COX7B2: variants seen among roughly 807,000 people sequenced by gnomAD.
COX7B2 encodes the protein cytochrome c oxidase subunit 7B2, mitochondrial.
For synonymous variants in COX7B2, 37 were observed against 32.1 expected (o/e 1.15, Z -0.51); for missense variants, 109 against 95.9 (o/e 1.14, Z -0.57).
At position 46,895,418 on chromosome 4, in the gene COX7B2, C is replaced by T. The variant is rs184392046; in HGVS notation, c.-105+13742G>A. Among the ~76,000 whole-genome samples the T allele has an allele frequency of 7.2e-5, 11 of 152,042 alleles. No individual in the cohort carries two copies. The East Asian group carries it at 1.9e-3, about 27-fold the overall frequency. On this transcript the variant is annotated intron_variant, in intron 1 of 2. Coordinates refer to ENST00000355591, the MANE Select transcript of COX7B2 (RefSeq NM_130902.3). ...AAACCAAATACCACATGTTCTCACTCATAAGTGGGAGCTAAATGATGAGAA... is the reference window on the plus strand; with the variant it reads ...AAACCAAATACCACATGTTCTCACTTATAAGTGGGAGCTAAATGATGAGAA...
At chr4:46,855,198 AC>A (rs1206622258) in intron 1 of COX7B2, among the ~76,000 whole-genome samples, 1 of 152,096 alleles carries the variant, frequency 6.6e-6, no homozygotes, top group Non-Finnish European at 1.5e-5. Flanking sequence ...ATGGTGGCAC[AC>A]ACCTGTAATC....
chr4:46,742,517 A>G (rs1399608475), intron 2 of COX7B2, among the ~76,000 whole-genome samples: 1 of 152,166 alleles, frequency 6.6e-6, no homozygotes, highest in Non-Finnish European at 1.5e-5. Flanking sequence ...ACTCTGAAAG[A>G]AGCAATGCCG....
chr4:46,765,888 T>G (rs1716504477), intron 2 of COX7B2, among the ~76,000 whole-genome samples: 1 of 152,064 alleles, frequency 6.6e-6, no homozygotes, highest in South Asian at 2.1e-4. Flanking sequence ...CCAGGCTGAC[T>G]CTCACAGCCA....
intron 2 of COX7B2, among the ~76,000 whole-genome samples, chr4:46,762,480 T>C (rs992251020): frequency 7.1e-5 from 10 of 140,302 alleles, no homozygotes; most frequent in Admixed American, 7.8e-5. Context: ...CTATATATAC[T>C]ATATATTGTA....
intron 1 of COX7B2, among the ~76,000 whole-genome samples, chr4:46,892,845 G>A (rs1719512185): frequency 6.6e-6 from 1 of 152,138 alleles, no homozygotes; most frequent in African/African-American, 2.4e-5. Flanking sequence ...GTCGCAAGAG[G>A]GACCCAGTGG....
At chr4:46,863,186 A>C (rs999724651) in intron 1 of COX7B2, among the ~76,000 whole-genome samples, 1 of 151,666 alleles carries the variant, frequency 6.6e-6, no homozygotes, top group Admixed American at 6.6e-5. Flanking sequence ...ATGAGATAGA[A>C]AGGAACTGAT....
intron 1 of COX7B2, among the ~76,000 whole-genome samples, chr4:46,879,942 T>C (rs1718608053): frequency 1.3e-5 from 2 of 152,124 alleles, no homozygotes; most frequent in Non-Finnish European, 1.5e-5. Flanking sequence ...ATTACATGAG[T>C]ATATTCTTTC....
chr4:46,788,253 G>T (rs1172593860), intron 2 of COX7B2, among the ~76,000 whole-genome samples: 1 of 151,870 alleles, frequency 6.6e-6, no homozygotes, highest in Non-Finnish European at 1.5e-5. Flanking sequence ...AAGATAAATA[G>T]AACCAAACAA....
intron 1 of COX7B2, among the ~76,000 whole-genome samples, chr4:46,907,998 C>T (rs566006352): frequency 4.2e-4 from 63 of 151,664 alleles, no homozygotes; most frequent in Non-Finnish European, 7.5e-4. Flanking sequence ...GGACTACAGG[C>T]GCGTGCGACC....
Position 46,872,542 on chromosome 4 carries a change from C to G in COX7B2, c.-104-27528G>C, listed in dbSNP as rs141340829. ...TTTCCCAAGCAAAGCCAAGAACTAT[C>G]CCAAGCTAAACTACAATTTGGGGGC... On this transcript the variant is annotated intron_variant, in intron 1 of 2. Transcript: ENST00000355591. Among the ~76,000 whole-genome samples, 35 of 152,246 alleles carry G rather than the reference C, an allele frequency of 2.3e-4. No individual in the cohort carries two copies. In the East Asian group the frequency reaches 6.6e-3, roughly 29 times the overall value.
intron 2 of COX7B2, among the ~76,000 whole-genome samples, chr4:46,787,392 A>G (rs2109572912): frequency 6.6e-6 from 1 of 152,192 alleles, no homozygotes; most frequent in South Asian, 2.1e-4. Flanking sequence ...AGTTGCAATG[A>G]GCCGAGATCG....
At chr4:46,902,857 A>G (rs537487957) in intron 1 of COX7B2, among the ~76,000 whole-genome samples, 175 of 152,188 alleles carry the variant, frequency 1.1e-3, no homozygotes, top group Non-Finnish European at 2.1e-3. Flanking sequence ...AGTCTGGGTA[A>G]CAGAGGGAGA....
intron 2 of COX7B2, among the ~76,000 whole-genome samples, chr4:46,780,693 C>CT (rs141347220): frequency 6.6e-6 from 1 of 152,094 alleles, no homozygotes; most frequent in Non-Finnish European, 1.5e-5. Context: ...ATTGCTATGG[C>CT]TTTTTTACTT....
intron 2 of COX7B2, among the ~76,000 whole-genome samples, chr4:46,778,399 ACT>A (rs768736754): frequency 6.6e-6 from 1 of 152,050 alleles, no homozygotes; most frequent in Non-Finnish European, 1.5e-5. Flanking sequence ...TATCATCTGA[ACT>A]CTCTCTGTTA....
intron 1 of COX7B2, among the ~76,000 whole-genome samples, chr4:46,894,000 T>C (rs1719599655): frequency 6.6e-6 from 1 of 151,958 alleles, no homozygotes; most frequent in African/African-American, 2.4e-5. Flanking sequence ...AAAACACTGC[T>C]CAAAGAAATC....
At chr4:46,777,620 G>A (rs1369604168) in intron 2 of COX7B2, among the ~76,000 whole-genome samples, 1 of 152,104 alleles carries the variant, frequency 6.6e-6, no homozygotes, top group East Asian at 1.9e-4. Flanking sequence ...CAGTTCATCT[G>A]TATTATAAGA....
intron 1 of COX7B2, among the ~76,000 whole-genome samples, chr4:46,889,589 A>C (rs1341692831): frequency 6.6e-6 from 1 of 152,248 alleles, no homozygotes; most frequent in Non-Finnish European, 1.5e-5. Context: ...TGAGAAAGGT[A>C]TGAAAAGAGG....
At chr4:46,826,013 G>A (rs945342175) in intron 2 of COX7B2, among the ~76,000 whole-genome samples, 13 of 152,230 alleles carry the variant, frequency 8.5e-5, no homozygotes, top group Admixed American at 5.9e-4. Context: ...TGCAACAAAA[G>A]CAAAAACTAA....
At chr4:46,755,822 C>T (rs1315552639) in intron 2 of COX7B2, among the ~76,000 whole-genome samples, 1 of 151,908 alleles carries the variant, frequency 6.6e-6, no homozygotes, top group Non-Finnish European at 1.5e-5. Context: ...ATGACACAAA[C>T]AAATGGAAAG....
Sources: gnomAD v4.1 joint callset for allele counts (sites outside exome capture counted in the v4.1 genomes callset) on GRCh38, gnomAD v4.1.1 for gene constraint, MANE v1.5 for transcripts, NCBI Gene and HGNC (gene_info 2026-07-23, HGNC 2026-07-21) for gene names.